Variants in ABTB3 observed in about 807,000 individuals in gnomAD.
ABTB3 encodes the protein ankyrin repeat and BTB domain containing 3, also known as ankyrin repeat- and BTB/POZ domain-containing protein 3.
chr12:107,394,791 C>A, the ABTB3 span, among the ~76,000 whole-genome samples: 229 of 152,312 alleles, frequency 1.5e-3, 2 homozygotes, highest in African/African-American at 3.8e-3. Flanking sequence ...TTTCCTCCTC[C>A]TCATCATCAT....
the ABTB3 span, among the ~76,000 whole-genome samples, chr12:107,642,662 G>T: frequency 6.6e-6 from 1 of 152,282 alleles, no homozygotes; most frequent in South Asian, 2.1e-4. Flanking sequence ...AAAGAGAACA[G>T]CATGTGCGAA....
At chr12:107,352,265 T>C in the ABTB3 span, among the ~76,000 whole-genome samples, 1 of 152,048 alleles carries the variant, frequency 6.6e-6, no homozygotes, top group Non-Finnish European at 1.5e-5. Flanking sequence ...AGCCAAATGA[T>C]GTTCAGGAGT....
At chr12:107,506,571 C>T in the ABTB3 span, among the ~76,000 whole-genome samples, 4 of 152,232 alleles carry the variant, frequency 2.6e-5, no homozygotes, top group African/African-American at 9.6e-5. Flanking sequence ...CTTACAGTTA[C>T]ATGAAATCAA....
chr12:107,545,962 C>T, the ABTB3 span, among the ~76,000 whole-genome samples: 1 of 152,202 alleles, frequency 6.6e-6, no homozygotes, highest in Non-Finnish European at 1.5e-5. Flanking sequence ...CTAGACACGG[C>T]CTCCTCTGAG....
the ABTB3 span, among the ~76,000 whole-genome samples, chr12:107,508,066 AGATGGATG>A: frequency 0.22 from 32,439 of 146,822 alleles, 3,762 homozygotes; most frequent in Admixed American, 0.34. Context: ...AAGGGTAGAA[AGATGGATG>A]GATGGATGGA....
the ABTB3 span, among the ~76,000 whole-genome samples, chr12:107,626,497 C>T: frequency 1.3e-5 from 2 of 151,978 alleles, no homozygotes; most frequent in East Asian, 1.9e-4. Flanking sequence ...AAGCACCCAC[C>T]AGTATGCCCG....
chr12:107,432,541 A>G, the ABTB3 span, among the ~76,000 whole-genome samples: 1 of 152,048 alleles, frequency 6.6e-6, no homozygotes, highest in Non-Finnish European at 1.5e-5. Flanking sequence ...CCATTTTTTC[A>G]TTTGACAAAT....
chr12:107,518,228 A>G, the ABTB3 span, among the ~76,000 whole-genome samples: 3 of 152,168 alleles, frequency 2.0e-5, no homozygotes, highest in African/African-American at 2.4e-5. Context: ...CTAGAACTAG[A>G]AATACCATTT....
chr12:107,579,900 C>G, the ABTB3 span, among the ~76,000 whole-genome samples: 1 of 152,326 alleles, frequency 6.6e-6, no homozygotes, highest in Admixed American at 6.5e-5. Flanking sequence ...CTTGGCCCAC[C>G]TAAATCAGAA....
At chr12:107,499,080 C>T in the ABTB3 span, among the ~76,000 whole-genome samples, 1 of 152,098 alleles carries the variant, frequency 6.6e-6, no homozygotes, top group Non-Finnish European at 1.5e-5. Flanking sequence ...GGGACCATTG[C>T]CCTCTCATGC....
the ABTB3 span, among the ~76,000 whole-genome samples, chr12:107,424,448 G>A: frequency 6.6e-6 from 1 of 152,218 alleles, no homozygotes; most frequent in African/African-American, 2.4e-5. Flanking sequence ...CGAGAGTAGA[G>A]AGGAAGATGC....
chr12:107,541,105 C>CG, the ABTB3 span, among the ~76,000 whole-genome samples: 2 of 152,210 alleles, frequency 1.3e-5, no homozygotes, highest in Admixed American at 1.3e-4. Flanking sequence ...AATCAACCCC[C>CG]CTAAAGCTGG....
chr12:107,628,142 TG>T, the ABTB3 span, among the ~76,000 whole-genome samples: 1 of 151,586 alleles, frequency 6.6e-6, no homozygotes, highest in African/African-American at 2.4e-5. Context: ...GGTCTTTTTT[TG>T]GGGGGTGGGG....
chr12:107,479,453 T>G, the ABTB3 span, among the ~76,000 whole-genome samples: 4 of 151,974 alleles, frequency 2.6e-5, no homozygotes. Flanking sequence ...AGAAAGTGAA[T>G]GGTCTCCACT....
At chr12:107,488,115 C>G in the ABTB3 span, among the ~76,000 whole-genome samples, 2 of 151,992 alleles carry the variant, frequency 1.3e-5, no homozygotes, top group Non-Finnish European at 1.5e-5. Context: ...CAGCTAGAAA[C>G]TGGGTAGCAG....
At chr12:107,338,753 C>G in the ABTB3 span, among the ~76,000 whole-genome samples, 1 of 152,330 alleles carries the variant, frequency 6.6e-6, no homozygotes, top group Non-Finnish European at 1.5e-5. Flanking sequence ...CCCCTACCCT[C>G]TTATCAGCAG....
At chr12:107,346,226 G>C in the ABTB3 span, among the ~76,000 whole-genome samples, 1 of 152,118 alleles carries the variant, frequency 6.6e-6, no homozygotes, top group Non-Finnish European at 1.5e-5. Context: ...AGTCCCTGTT[G>C]CTTCTGAGTT....
chr12:107,497,270 CCAACTTTATCCT>C, the ABTB3 span, among the ~76,000 whole-genome samples: 1 of 150,548 alleles, frequency 6.6e-6, no homozygotes, highest in Non-Finnish European at 1.5e-5. Flanking sequence ...ACCACCATCC[CCAACTTTATCCT>C]CAACACCACC....
the ABTB3 span, among the ~76,000 whole-genome samples, chr12:107,333,086 G>A: frequency 1.3e-5 from 2 of 152,122 alleles, no homozygotes; most frequent in Admixed American, 1.3e-4. Context: ...TCTGCAAAGG[G>A]TCTCTCCCAC....
Sources: allele counts gnomAD v4.1 joint callset (sites outside exome capture counted in the v4.1 genomes callset), GRCh38; gene constraint gnomAD v4.1.1; transcripts MANE v1.5; gene names NCBI Gene and HGNC (gene_info 2026-07-23, HGNC 2026-07-21).